ZEB1: variants seen among roughly 807,000 people sequenced by gnomAD.
The protein encoded by ZEB1 is zinc finger E-box-binding homeobox 1.
A neutral mutation model predicts 84.9 loss-of-function variants in ZEB1; 21 were observed. The ratio of observed to expected loss-of-function variants is 0.25; its 90% CI spans 0.18 to 0.36. ZEB1 has a LOEUF of 0.36. Ranked by LOEUF, ZEB1 falls within the 10% of genes least tolerant of loss-of-function variation. The pLI is 1.00. For synonymous variants in ZEB1, 420 were observed against 471.1 expected (o/e 0.89, Z 1.41); for missense variants, 1,104 against 1,330.2 (o/e 0.83, Z 2.65).
chr10:31,368,709 G>A (rs1048409956), intron 1 of ZEB1, among the ~76,000 whole-genome samples: 2 of 152,036 alleles, frequency 1.3e-5, no homozygotes, highest in Admixed American at 6.6e-5. Context: ...GGTTTTATAT[G>A]CTAAAATATT....
intron 1 of ZEB1, among the ~76,000 whole-genome samples, chr10:31,361,756 G>A (rs574882314): frequency 2.0e-5 from 3 of 148,532 alleles, no homozygotes; most frequent in Non-Finnish European, 4.5e-5. Flanking sequence ...TTTCCCAGAC[G>A]GTGAGGAGGC....
intron 1 of ZEB1, chr10:31,319,688 T>G: frequency 1.0e-5 from 2 of 196,020 alleles, no homozygotes; most frequent in Non-Finnish European, 2.0e-5. Context: ...CCCACTCTTG[T>G]GCCCTTCGGC....
rs2069819847 is a variant in ZEB1 at position 31,510,653 on chromosome 10, A to G, written c.485-20A>G. The G allele has an allele frequency of 1.9e-6, 3 of 1,600,292 alleles. No individual in the cohort carries two copies. The highest frequency in any genetic ancestry group is 1.7e-6 in the Non-Finnish European group (2 of 1,169,062). On this transcript the variant is annotated intron_variant, in intron 4 of 8. Transcript: ENST00000424869. Reference sequence around the variant, plus strand: ...TTTCTGAATGTTTTAAATTTAAAATATATGATCTTTCTTTTACAGGAACAC... The same window carrying G: ...TTTCTGAATGTTTTAAATTTAAAATGTATGATCTTTCTTTTACAGGAACAC...
chr10:31,451,760 A>G (rs1026896376), intron 1 of ZEB1, among the ~76,000 whole-genome samples: 12 of 152,312 alleles, frequency 7.9e-5, no homozygotes, highest in Admixed American at 7.8e-4. Context: ...GGGAGTTTAG[A>G]TAAAAGGGGA....
chr10:31,522,131 G>T (rs1357841965), intron 7 of ZEB1, among the ~76,000 whole-genome samples, 195 bp downstream of exon 7: 1 of 152,118 alleles, frequency 6.6e-6, no homozygotes, highest in Non-Finnish European at 1.5e-5. Flanking sequence ...CCAGGGTATT[G>T]TTACCAGCTT....
intron 1 of ZEB1, among the ~76,000 whole-genome samples, chr10:31,345,505 A>G (rs10826939): frequency 0.2 from 30,385 of 152,058 alleles, 6,045 homozygotes; most frequent in African/African-American, 0.52. Context: ...ACTACTTCCC[A>G]GAAGCCTTGA....
chr10:31,443,069 G>T (rs532483116), intron 1 of ZEB1, among the ~76,000 whole-genome samples: 7 of 152,182 alleles, frequency 4.6e-5, no homozygotes, highest in Non-Finnish European at 1.0e-4. Context: ...GAGCAAGAAA[G>T]TTGAGAGTGT....
intron 1 of ZEB1, among the ~76,000 whole-genome samples, chr10:31,455,111 C>T (rs2061043799): frequency 6.6e-6 from 1 of 152,080 alleles, no homozygotes; most frequent in Admixed American, 6.5e-5. Flanking sequence ...TAACACCACA[C>T]ATCTACAACC....
intron 2 of ZEB1, among the ~76,000 whole-genome samples, chr10:31,483,615 A>G (rs912476485): frequency 6.6e-6 from 1 of 151,986 alleles, no homozygotes; most frequent in African/African-American, 2.4e-5. Flanking sequence ...GGTAATTACT[A>G]CATTACTGGT....
chr10:31,374,936 A>G (rs2046328618), intron 1 of ZEB1: 1 of 151,730 alleles, frequency 6.6e-6, no homozygotes, highest in Admixed American at 6.6e-5. Context: ...AACTGAATTT[A>G]AAATTGTTAC....
intron 2 of ZEB1, among the ~76,000 whole-genome samples, chr10:31,492,224 G>A (rs375782788): frequency 1.3e-5 from 2 of 152,000 alleles, no homozygotes; most frequent in East Asian, 3.9e-4. Context: ...CAACTTTACA[G>A]TGGTGTGAAA....
At chr10:31,411,662 ATTAGGAGAGAAATTTATAGCACTAAAT>A (rs2054307213) in intron 1 of ZEB1, among the ~76,000 whole-genome samples, 1 of 144,782 alleles carries the variant, frequency 6.9e-6, no homozygotes, top group Admixed American at 6.8e-5. Context: ...AAAAAGCAGC[ATTAGGAGAGAAATTTATAGCACTAAAT>A]GCTATAAATT....
chr10:31,428,866 T>C (rs1354560776), intron 1 of ZEB1, among the ~76,000 whole-genome samples: 1 of 152,222 alleles, frequency 6.6e-6, no homozygotes, highest in Admixed American at 6.5e-5. Flanking sequence ...TGTCAGAAAC[T>C]AGAATTGCAA....
At chr10:31,321,769 G>A in intron 1 of ZEB1, 1 of 566,660 alleles carries the variant, frequency 1.8e-6, no homozygotes, top group Non-Finnish European at 3.1e-6. Context: ...TGACTTAAGG[G>A]GGGAAAAGCG....
At chr10:31,350,482 T>TA (rs2041131424) in intron 1 of ZEB1, among the ~76,000 whole-genome samples, 1 of 152,188 alleles carries the variant, frequency 6.6e-6, no homozygotes, top group Non-Finnish European at 1.5e-5. Flanking sequence ...CTAGTCTGTC[T>TA]ATACTGATCA....
rs1463673033 is a variant in ZEB1 at position 31,524,217 on chromosome 10, T to TA, written c.2785+105dup. 6 of 1,242,356 alleles carry TA rather than the reference T, an allele frequency of 4.8e-6. No homozygotes were observed. In the Admixed American group the frequency reaches 6.8e-5, roughly 14 times the overall value. The allele number at this position is 1,242,356 out of a possible 1,614,324, so 77.0% of individuals were successfully genotyped here. ...AATTTTCTTTCTTTTTTTTTTTTTT[T>TA]ATTTTGTTTTGAGACAAGGTCTGGC... On this transcript the variant is annotated intron_variant, in intron 8 of 8. Coordinates refer to ENST00000424869, the MANE Select transcript of ZEB1 (RefSeq NM_001174096.2).
intron 1 of ZEB1, among the ~76,000 whole-genome samples, chr10:31,396,405 A>T (rs918433047): frequency 6.6e-6 from 1 of 152,246 alleles, no homozygotes. Context: ...CCAGGAAAAT[A>T]AACTATTGGC....
At chr10:31,319,514 C>T in intron 1 of ZEB1, 1 of 572,254 alleles carries the variant, frequency 1.7e-6, no homozygotes, top group Non-Finnish European at 3.1e-6. Context: ...ATGTCTCTTA[C>T]CTGGTCTCTC....
At chr10:31,430,016 C>G (rs991104979) in intron 1 of ZEB1, among the ~76,000 whole-genome samples, 9 of 152,118 alleles carry the variant, frequency 5.9e-5, no homozygotes, top group Non-Finnish European at 8.8e-5. Context: ...GCTGAGATTA[C>G]AGGCGTGAGC....
Sources: allele counts gnomAD v4.1 joint callset (sites outside exome capture counted in the v4.1 genomes callset), GRCh38; gene constraint gnomAD v4.1.1; transcripts MANE v1.5; gene names NCBI Gene and HGNC (gene_info 2026-07-23, HGNC 2026-07-21).